Variants in ZNF729 observed in about 807,000 individuals in gnomAD.
ZNF729 encodes the protein zinc finger protein 729.
In ZNF729, 15 loss-of-function variants were observed where a neutral mutation model predicts 12.2. The observed-to-expected ratio is 1.23, with a 90% CI of 0.82 to 1.89. The LOEUF (loss-of-function observed/expected upper bound fraction) is 1.89, where lower values mean the gene tolerates loss of function less well. ZNF729 is among the 40% of genes most tolerant of loss of function. The pLI is 0.00. For missense variants in ZNF729, 1,540 were observed against 1,456.7 expected (o/e 1.06, Z -0.93); for synonymous variants, 492 against 476.3 (o/e 1.03, Z -0.43).
At chr19:22,297,271 C>T (rs1968240276) in intron 1 of ZNF729, among the ~76,000 whole-genome samples, 1 of 147,282 alleles carries the variant, frequency 6.8e-6, no homozygotes, top group Non-Finnish European at 1.5e-5. Context: ...TTTTTTATAA[C>T]ACCTTTTTCT....
At chr19:22,306,363 C>T (rs188358832) in intron 3 of ZNF729, among the ~76,000 whole-genome samples, 44 of 150,554 alleles carry the variant, frequency 2.9e-4, no homozygotes, top group Middle Eastern at 3.4e-3. Flanking sequence ...CAGTTGAACC[C>T]GGAGGTGCAG....
rs746054091 is a variant in ZNF729 at position 22,295,389 on chromosome 19, C to CTTTT, written c.31-8354_31-8351dup. ...GAGAGAAGGTATGCCAGTTTTCTTT[C>CTTTT]TTTTTTTTTTTTTTTTTTGAGACAG... On this transcript the variant is annotated intron_variant, in intron 1 of 3. Coordinates refer to ENST00000601693, the MANE Select transcript of ZNF729 (RefSeq NM_001242680.2). Among the ~76,000 whole-genome samples, 351 of 130,856 alleles carry CTTTT rather than the reference C, an allele frequency of 2.7e-3. 3 individuals are homozygous for CTTTT. The highest frequency in any genetic ancestry group is 9.6e-3 in the African/African-American group (340 of 35,286). The allele number at this position is 130,856 out of a possible 152,430, so 85.8% of individuals were successfully genotyped here.
chr19:22,295,643 GC>G (rs1446449338), intron 1 of ZNF729, among the ~76,000 whole-genome samples: 9 of 151,930 alleles, frequency 5.9e-5, no homozygotes. Flanking sequence ...CTCGTGATCC[GC>G]CCGTCTCGGC....
intron 1 of ZNF729, among the ~76,000 whole-genome samples, chr19:22,288,580 C>T (rs556199712): frequency 1.2e-4 from 19 of 152,188 alleles, no homozygotes; most frequent in East Asian, 5.8e-4. Context: ...GGGAAGCAGG[C>T]GGATGCCCTG....
chr19:22,296,740 C>G (rs1051065790), intron 1 of ZNF729, among the ~76,000 whole-genome samples: 1 of 152,054 alleles, frequency 6.6e-6, no homozygotes. Context: ...CCATTTAATG[C>G]TATTAATTTC....
At chr19:22,296,054 C>A (rs925688755) in intron 1 of ZNF729, among the ~76,000 whole-genome samples, 2 of 152,178 alleles carry the variant, frequency 1.3e-5, no homozygotes, top group Admixed American at 1.3e-4. Context: ...ATTTTTTCAT[C>A]AATGTTTATC....
chr19:22,310,223 A>G (rs1466013713), intron 3 of ZNF729, among the ~76,000 whole-genome samples: 1 of 151,974 alleles, frequency 6.6e-6, no homozygotes, highest in African/African-American at 2.4e-5. Context: ...TGCTCTGGCT[A>G]AGACTTCTAG....
chr19:22,310,647 T>G (rs1330704391), intron 3 of ZNF729, among the ~76,000 whole-genome samples: 1 of 152,168 alleles, frequency 6.6e-6, no homozygotes, highest in Admixed American at 6.5e-5. Flanking sequence ...GACATCAGTC[T>G]GTGGTTTTCT....
intron 3 of ZNF729, among the ~76,000 whole-genome samples, chr19:22,312,290 TA>T: frequency 6.6e-6 from 1 of 152,208 alleles, no homozygotes; most frequent in East Asian, 1.9e-4. Flanking sequence ...ATATACATTG[TA>T]ATCGTTGATT....
chr19:22,314,388 A>T lies in ZNF729; in HGVS notation c.971A>T (p.Asp324Val). ...HTAEKPYKCE[D>V]CGKTFNHFSA... ...GCAGAGAAACCCTACAAATGTGAAG[A>T]TTGTGGCAAAACTTTTAACCATTTC... is the stretch of plus-strand genomic sequence containing the variant. The change falls in exon 4 of 4, where the codon GAT becomes GTT. Residue 324 changes from aspartate to valine, a missense_variant. Asp to Val is a radical substitution (Grantham distance 152). Coordinates refer to ENST00000601693, the MANE Select transcript of ZNF729 (RefSeq NM_001242680.2). The T allele has an allele frequency of 6.3e-7, 1 of 1,592,114 alleles. No individual in the cohort carries two copies.
rs1181064280 is a variant in ZNF729 at position 22,315,409 on chromosome 19, T to G, written c.1992T>G (p.Ala664=). Reference sequence around the variant, plus strand: ...ACAAATGTGAAGAATGTGGCAAAGCTTTTAGCCATTTCTCAGCCCTTAGAA... The same window carrying G: ...ACAAATGTGAAGAATGTGGCAAAGCGTTTAGCCATTTCTCAGCCCTTAGAA... ...KPYKCEECGK[A]FSHFSALRRH... Residue 664 remains alanine (A), a synonymous_variant, in exon 4 of 4, where the codon GCT becomes GCG. Coordinates refer to ENST00000601693, the MANE Select transcript of ZNF729 (RefSeq NM_001242680.2). 2.5e-6 allele frequency: 4 copies of G among 1,613,302 alleles called. No homozygotes were observed. In the East Asian group the frequency reaches 8.9e-5, roughly 36 times the overall value.
chr19:22,297,878 G>T (rs1431010835), intron 1 of ZNF729, among the ~76,000 whole-genome samples: 4 of 151,728 alleles, frequency 2.6e-5, no homozygotes, highest in Non-Finnish European at 5.9e-5. Context: ...GGTTGTGCAT[G>T]CCTGTAATCT....
In ZNF729 at chr19:22,286,621, T is replaced by C. The variant is rs1968081527; in HGVS notation, c.30+66T>C. On this transcript the variant is annotated intron_variant, in intron 1 of 3. Coordinates refer to ENST00000601693, the MANE Select transcript of ZNF729 (RefSeq NM_001242680.2). ...CTGATTGGAACCGGTGGGAAGTGGCTGTGGCGGGACTCCGGCCTCCCCGCA... is the reference window on the plus strand; with the variant it reads ...CTGATTGGAACCGGTGGGAAGTGGCCGTGGCGGGACTCCGGCCTCCCCGCA... 3.1e-6 allele frequency: 5 copies of C among 1,605,154 alleles called. No individual in the cohort carries two copies. The South Asian group carries it at 5.5e-5, about 18-fold the overall frequency.
At chr19:22,305,799 T>C (rs1204334910) in intron 3 of ZNF729, among the ~76,000 whole-genome samples, 1 of 152,144 alleles carries the variant, frequency 6.6e-6, no homozygotes, top group Non-Finnish European at 1.5e-5. Flanking sequence ...CTTTTTCTTT[T>C]AATTAATTAA....
Position 22,315,710 on chromosome 19 carries a change from G to GAA in ZNF729, c.2294_2295insAA (p.Lys766ArgfsTer20), listed in dbSNP as rs756118904. ...AAAACATAAGGTAATTCATACTAGGGAGAAATTGTACAAATGTGAAGAATG... is the reference window on the plus strand; with the variant it reads ...AAAACATAAGGTAATTCATACTAGGGAAAGAAATTGTACAAATGTGAAGAATG... On this transcript the variant is annotated frameshift_variant, in exon 4 of 4. Transcript: ENST00000601693. LOFTEE classifies it low-confidence loss of function (END_TRUNC). The GAA allele has an allele frequency of 3.3e-5, 52 of 1,599,234 alleles. No homozygotes were observed. Among genetic ancestry groups the GAA allele is most frequent in the Middle Eastern group, 1.7e-4 (1 of 6,022 alleles).
intron 3 of ZNF729, among the ~76,000 whole-genome samples, chr19:22,310,184 C>G (rs1193111253): frequency 6.6e-6 from 1 of 151,938 alleles, no homozygotes; most frequent in African/African-American, 2.4e-5. Flanking sequence ...TCCTCTTTAC[C>G]AATTTCGATG....
Position 22,315,632 on chromosome 19 carries a change from C to A in ZNF729, c.2215C>A (p.Pro739Thr), listed in dbSNP as rs1314348751. ...TAAGGTAATTCATACTGCAGAGAAA[C>A]CCTGCAAATGTGAAGAATGTGGCAA... is the stretch of plus-strand genomic sequence containing the variant. Reference protein sequence around the residue: ...VHKVIHTAEKPCKCEECGKSF... With the variant: ...VHKVIHTAEKTCKCEECGKSF... Residue 739 changes from proline (P) to threonine (T), a missense_variant, in exon 4 of 4, where the codon CCC becomes ACC. Coordinates refer to ENST00000601693, the MANE Select transcript of ZNF729 (RefSeq NM_001242680.2). The A allele has an allele frequency of 6.2e-7, 1 of 1,608,728 alleles. No individual in the cohort carries two copies. Among genetic ancestry groups the A allele is most frequent in the Admixed American group, 1.7e-5 (1 of 59,794 alleles).
intron 3 of ZNF729, among the ~76,000 whole-genome samples, chr19:22,313,423 C>G (rs960666115): frequency 6.6e-6 from 1 of 152,216 alleles, no homozygotes; most frequent in African/African-American, 2.4e-5. Context: ...CTGTAACCGA[C>G]TTCCCTTTCC....
rs1370676174 is a variant in ZNF729, at chr19:22,286,485, G to T, written c.-41G>T. 3 of 1,612,258 alleles carry T rather than the reference G, an allele frequency of 1.9e-6. No individual in the cohort carries two copies. The African/African-American group carries it at 4.0e-5, about 22-fold the overall frequency. On this transcript the variant is annotated 5_prime_UTR_variant, in exon 1 of 4. Transcript: ENST00000601693. ...TCACTGCTGTGTGTCCTCAGCCTCT[G>T]TGGCCCTGTAACCTGCGGCATTGGA...
Sources: gnomAD v4.1 joint callset for allele counts (sites outside exome capture counted in the v4.1 genomes callset) on GRCh38, gnomAD v4.1.1 for gene constraint, MANE v1.5 for transcripts, NCBI Gene and HGNC (gene_info 2026-07-23, HGNC 2026-07-21) for gene names.